The following MAML2 variants were observed in gnomAD, a reference collection of about 807,000 sequenced individuals.
MAML2 encodes mastermind-like protein 2.
A neutral mutation model predicts 96.1 loss-of-function variants in MAML2; 22 were observed. The observed-to-expected ratio is 0.23, with a 90% confidence interval of 0.16 to 0.33. The LOEUF (loss-of-function observed/expected upper bound fraction) is 0.33. MAML2 is among the 10% of genes least tolerant of loss of function. The probability of loss-of-function intolerance (pLI) is 1.00; values close to 1 mark genes in which losing one functional copy is unlikely to be tolerated. For synonymous variants in MAML2, 561 were observed against 521.3 expected (o/e 1.08, Z -1.04); for missense variants, 1,367 against 1,392.4 (o/e 0.98, Z 0.29).
At chr11:96,011,060 A>C (rs544899382) in intron 2 of MAML2, among the ~76,000 whole-genome samples, 1 of 152,350 alleles carries the variant, frequency 6.6e-6, no homozygotes, top group East Asian at 1.9e-4. Context: ...CTTATTAAAA[A>C]GTCAAAATAT....
At chr11:96,083,834 C>T (rs947647072) in intron 2 of MAML2, among the ~76,000 whole-genome samples, 6 of 152,066 alleles carry the variant, frequency 3.9e-5, no homozygotes, top group African/African-American at 1.4e-4. Context: ...GGGAGATTCA[C>T]AAGAACAAAG....
intron 1 of MAML2, among the ~76,000 whole-genome samples, chr11:96,265,757 A>G (rs2105589): frequency 0.54 from 82,180 of 152,056 alleles, 22,367 homozygotes; most frequent in East Asian, 0.69. Flanking sequence ...GCAAAACAAC[A>G]CAGAGTTTGG....
At chr11:96,073,952 G>C (rs548225571) in intron 2 of MAML2, among the ~76,000 whole-genome samples, 1 of 152,234 alleles carries the variant, frequency 6.6e-6, no homozygotes, top group Non-Finnish European at 1.5e-5. Context: ...TCATGCAAGG[G>C]ATTTACCAAA....
At chr11:96,116,688 C>T (rs1332420189) in intron 1 of MAML2, among the ~76,000 whole-genome samples, 2 of 152,154 alleles carry the variant, frequency 1.3e-5, no homozygotes, top group Non-Finnish European at 2.9e-5. Flanking sequence ...TTCTACTAAA[C>T]AAGTGGATTC....
chr11:96,198,590 T>C (rs909196321), intron 1 of MAML2, among the ~76,000 whole-genome samples: 2 of 152,214 alleles, frequency 1.3e-5, no homozygotes, highest in African/African-American at 4.8e-5. Context: ...ATCTATTTTG[T>C]AGTGTGGCTC....
intron 2 of MAML2, among the ~76,000 whole-genome samples, chr11:96,043,863 C>T (rs1858854340): frequency 1.3e-5 from 2 of 152,304 alleles, no homozygotes; most frequent in South Asian, 4.1e-4. Flanking sequence ...ATAAGAATGC[C>T]TTCCAACAGA....
chr11:96,143,537 C>T (rs1027571252), intron 1 of MAML2, among the ~76,000 whole-genome samples: 4 of 152,066 alleles, frequency 2.6e-5, no homozygotes, highest in East Asian at 1.9e-4. Flanking sequence ...ATTTAAGAGG[C>T]GGTTTTTTAC....
intron 2 of MAML2, among the ~76,000 whole-genome samples, chr11:96,084,169 A>C (rs1281575412): frequency 4.6e-5 from 7 of 152,148 alleles, no homozygotes; most frequent in African/African-American, 1.7e-4. Context: ...GGTAGGAGTC[A>C]AGGGAAGAGA....
intron 1 of MAML2, among the ~76,000 whole-genome samples, chr11:96,126,442 CAGCT>C (rs66800314): frequency 0.87 from 131,565 of 151,622 alleles, 57,174 homozygotes; most frequent in South Asian, 0.93. Flanking sequence ...CTTGTAGTCC[CAGCT>C]AGCTACTTGG....
At chr11:96,197,035 A>G in intron 1 of MAML2, among the ~76,000 whole-genome samples, 1 of 151,856 alleles carries the variant, frequency 6.6e-6, no homozygotes, top group Non-Finnish European at 1.5e-5. Context: ...GCAGGAGTTT[A>G]CTCTGTGCCT....
At chr11:96,098,517 G>A (rs1341643797) in intron 1 of MAML2, among the ~76,000 whole-genome samples, 1 of 152,192 alleles carries the variant, frequency 6.6e-6, no homozygotes, top group Non-Finnish European at 1.5e-5. Context: ...CTGGCCATCC[G>A]AGGAAGGGGC....
At chr11:96,287,188 T>C (rs1863152515) in intron 1 of MAML2, among the ~76,000 whole-genome samples, 4 of 152,218 alleles carry the variant, frequency 2.6e-5, no homozygotes, top group Admixed American at 2.0e-4. Flanking sequence ...ATAAGAGCAT[T>C]ACATCATGGG....
chr11:96,113,793 C>T (rs569695395), intron 1 of MAML2, among the ~76,000 whole-genome samples: 4 of 152,178 alleles, frequency 2.6e-5, no homozygotes, highest in East Asian at 3.9e-4. Flanking sequence ...TAGTGCTATA[C>T]ATTTTTAAGC....
intron 1 of MAML2, among the ~76,000 whole-genome samples, chr11:96,208,880 T>A (rs1364422097): frequency 1.3e-5 from 2 of 152,020 alleles, no homozygotes; most frequent in Non-Finnish European, 2.9e-5. Context: ...TAAAAACCAA[T>A]AACAACTTCT....
intron 1 of MAML2, among the ~76,000 whole-genome samples, chr11:96,183,374 C>T (rs1861518790): frequency 6.7e-6 from 1 of 148,300 alleles, no homozygotes; most frequent in African/African-American, 2.5e-5. Context: ...CTTCCTTCCT[C>T]CTTCCCTTCC....
chr11:96,096,553 C>G (rs761977656), intron 1 of MAML2, among the ~76,000 whole-genome samples: 3 of 152,188 alleles, frequency 2.0e-5, no homozygotes, highest in Non-Finnish European at 4.4e-5. Flanking sequence ...ACCACACATT[C>G]CCACTGCACA....
At chr11:96,047,743 T>C (rs1858924685) in intron 2 of MAML2, among the ~76,000 whole-genome samples, 2 of 151,488 alleles carry the variant, frequency 1.3e-5, no homozygotes, top group African/African-American at 4.8e-5. Context: ...ACCCTGTCTC[T>C]ACTAAAAATA....
At chr11:96,097,655 A>G (rs76544635) in intron 1 of MAML2, among the ~76,000 whole-genome samples, 26 of 152,188 alleles carry the variant, frequency 1.7e-4, no homozygotes, top group South Asian at 6.2e-4. Flanking sequence ...ACTGTTTCAA[A>G]ATATATTAAT....
At chr11:96,053,953 G>C (rs1018594558) in intron 2 of MAML2, among the ~76,000 whole-genome samples, 1 of 151,972 alleles carries the variant, frequency 6.6e-6, no homozygotes, top group Non-Finnish European at 1.5e-5. Flanking sequence ...GACAACTTGG[G>C]TGCCGCCATT....
Sources: gnomAD v4.1 joint callset for allele counts (sites outside exome capture counted in the v4.1 genomes callset) on GRCh38, gnomAD v4.1.1 for gene constraint, MANE v1.5 for transcripts, NCBI Gene and HGNC (gene_info 2026-07-23, HGNC 2026-07-21) for gene names.